PDLIM4: variants seen among roughly 807,000 people sequenced by gnomAD.
PDLIM4 encodes PDZ and LIM domain 4, also known as PDZ and LIM domain protein 4.
In PDLIM4, 19 loss-of-function variants were observed where a neutral mutation model predicts 31.3. That is an observed-to-expected ratio of 0.61 (90% confidence interval 0.42 to 0.89). The LOEUF is 0.89. Among genes scored for constraint, PDLIM4 ranks in the 40% least tolerant of loss-of-function variants. The pLI, the probability that PDLIM4 is intolerant of heterozygous loss-of-function variation, is 0.00. For missense variants in PDLIM4, 442 were observed against 461.1 expected (o/e 0.96, Z 0.38); for synonymous variants, 176 against 190.1 (o/e 0.93, Z 0.61).
chr5:132,272,296 C>T lies in PDLIM4; in HGVS notation c.*67C>T, dbSNP rs1248484014. 7 of 1,314,892 alleles carry T rather than the reference C, an allele frequency of 5.3e-6. No homozygotes were observed. The South Asian group carries it at 6.1e-5, about 11-fold the overall frequency. The allele number at this position is 1,314,892 out of a possible 1,614,324, so 81.5% of individuals were successfully genotyped here. A position where few individuals can be genotyped will look rare whatever the true frequency, so the allele number is the denominator to read the frequency against. ...TCGGCCGGTGTAAATATGTTTCACC[C>T]TGTCCCTCTAATAAAGCTCCTCTGC... On this transcript the variant is annotated 3_prime_UTR_variant, in exon 7 of 7. Coordinates refer to ENST00000253754, the MANE Select transcript of PDLIM4 (RefSeq NM_003687.4).
chr5:132,271,242 A>C, intron 4 of PDLIM4, 61 bp from the exon 5 acceptor site: 1 of 1,538,244 alleles, frequency 6.5e-7, no homozygotes, highest in Non-Finnish European at 8.8e-7. Flanking sequence ...CCAGACCCCA[A>C]GTCCACAGGG....
At position 132,271,887 on chromosome 5, in the gene PDLIM4, C is replaced by T. The variant is rs374068089; in HGVS notation, c.767C>T (p.Thr256Met). The change falls in exon 6 of 7, where the codon ACG becomes ATG. Residue 256 changes from threonine (T) to methionine (M), a missense_variant. Coordinates refer to ENST00000253754, the MANE Select transcript of PDLIM4 (RefSeq NM_003687.4). ...LSGLQGLPEC[T>M]RCGHGIVGTI... The stretch of plus-strand genomic sequence containing the variant: ...GGCCTGCAGGGGCTGCCCGAGTGCA[C>T]GCGCTGCGGCCACGGCATCGTGTGA... 1.5e-4 allele frequency: 239 copies of T among 1,607,874 alleles called. No individual in the cohort carries two copies. The highest frequency in any genetic ancestry group is 2.0e-4 in the Non-Finnish European group (231 of 1,176,508).
In PDLIM4 at chr5:132,257,759, G is replaced by A. The variant is rs761240899; in HGVS notation, c.25G>A (p.Gly9Arg). 2.0e-6 allele frequency: 3 copies of A among 1,498,476 alleles called. No homozygotes were observed. Among genetic ancestry groups the A allele is most frequent in the Non-Finnish European group, 2.7e-6 (3 of 1,129,036 alleles). The allele number at this position is 1,498,476 out of a possible 1,614,324, so 92.8% of individuals were successfully genotyped here. A position where few individuals can be genotyped will look rare whatever the true frequency, so the allele number is the denominator to read the frequency against. The change falls in exon 1 of 7, where the codon GGG becomes AGG. Residue 9 changes from glycine (G) to arginine (R), a missense_variant. Physicochemically the swap from Gly to Arg is moderately radical, Grantham distance 125. Transcript: ENST00000253754. This position sits in a 1 kb window ranked among gnomAD's most constrained non-coding sequence, Gnocchi z 4.3. MPHSVTLRGPSPWGFRLVG... is the reference protein window; with the variant it reads MPHSVTLRRPSPWGFRLVG... ...GATGCCCCATTCCGTGACCCTGCGC[G>A]GGCCTTCGCCCTGGGGCTTCCGCCT... is the stretch of plus-strand genomic sequence containing the variant.
intron 1 of PDLIM4, among the ~76,000 whole-genome samples, chr5:132,261,941 G>A (rs1427962724): frequency 6.6e-6 from 1 of 152,216 alleles, no homozygotes; most frequent in East Asian, 1.9e-4. Flanking sequence ...TGGGTAGTGA[G>A]ATCCCAGAGA....
rs754919417 is a variant in PDLIM4, at chr5:132,272,164, G to C, written c.928G>C (p.Val310Leu). 49 of 1,614,226 alleles carry C rather than the reference G, an allele frequency of 3.0e-5. No individual in the cohort carries two copies. Among genetic ancestry groups the C allele is most frequent in the South Asian group, 3.0e-4 (27 of 91,090 alleles). Residue 310 changes from valine to leucine, a missense_variant, in exon 7 of 7, where the codon GTG becomes CTG. Transcript: ENST00000253754. ...LYCESHAKAR[V>L]KPPEGYDVVA... The stretch of plus-strand genomic sequence containing the variant: ...CTGTGAGAGCCACGCCAAGGCGCGC[G>C]TGAAGCCGCCCGAGGGCTACGACGT...
rs1356739590 is a variant in PDLIM4 at position 132,257,762 on chromosome 5, C to T, written c.28C>T (p.Pro10Ser). The T allele has an allele frequency of 1.3e-6, 2 of 1,501,070 alleles. No individual in the cohort carries two copies. Among genetic ancestry groups the T allele is most frequent in the Non-Finnish European group, 8.8e-7 (1 of 1,130,216 alleles). 93.0% of individuals were successfully genotyped at this position (1,501,070 alleles called of 1,614,324 possible). ...GCCCCATTCCGTGACCCTGCGCGGG[C>T]CTTCGCCCTGGGGCTTCCGCCTGGT... MPHSVTLRG[P>S]SPWGFRLVGG... Residue 10 changes from proline to serine, a missense_variant, in exon 1 of 7, where the codon CCT (proline) becomes TCT (serine). By Grantham distance (74) the Pro-to-Ser change is moderately conservative (BLOSUM62 -1). Transcript: ENST00000253754. This position sits in a 1 kb window ranked among gnomAD's most constrained non-coding sequence, Gnocchi z 4.3.
At chr5:132,267,675 A>C (rs1271884420) in intron 3 of PDLIM4, among the ~76,000 whole-genome samples, 1 of 152,186 alleles carries the variant, frequency 6.6e-6, no homozygotes, top group Non-Finnish European at 1.5e-5. Flanking sequence ...GAGGTCTTGC[A>C]CCACAAGTTC....
At chr5:132,265,366 G>A (rs973307745) in intron 2 of PDLIM4, among the ~76,000 whole-genome samples, 5 of 152,216 alleles carry the variant, frequency 3.3e-5, no homozygotes, top group African/African-American at 1.2e-4. Context: ...GGAGTTCTGA[G>A]TAGATAGAGG....
Position 132,272,103 on chromosome 5 carries a change from G to C in PDLIM4, c.867G>C (p.Lys289Asn). The C allele has an allele frequency of 6.2e-7, 1 of 1,614,250 alleles. No individual in the cohort carries two copies. Among genetic ancestry groups the C allele is most frequent in the East Asian group, 2.2e-5 (1 of 44,888 alleles). Residue 289 changes from lysine to asparagine, a missense_variant, in exon 7 of 7, where the codon AAG (lysine) becomes AAC (asparagine). By Grantham distance (94) the Lys-to-Asn change is moderately conservative. Coordinates refer to ENST00000253754, the MANE Select transcript of PDLIM4 (RefSeq NM_003687.4). Reference sequence around the variant, plus strand: ...GCAGTGACTGCGGCCTGAACCTCAAGCAGCGTGGTTACTTCTTTCTGGACG... The same window carrying C: ...GCAGTGACTGCGGCCTGAACCTCAACCAGCGTGGTTACTTCTTTCTGGACG... ...FMCSDCGLNL[K>N]QRGYFFLDER... is the part of the protein sequence containing the mutation.
rs1216656703 is a variant in PDLIM4, at chr5:132,257,772, G to T, written c.38G>T (p.Trp13Leu). Residue 13 changes from tryptophan (W) to leucine (L), a missense_variant, in exon 1 of 7, where the codon TGG becomes TTG. Coordinates refer to ENST00000253754, the MANE Select transcript of PDLIM4 (RefSeq NM_003687.4). The surrounding 1 kb of genome is among the most constrained non-coding windows in gnomAD (Gnocchi z 4.3). The part of the protein sequence containing the change: ...HSVTLRGPSP[W>L]GFRLVGGRDF... The stretch of plus-strand genomic sequence containing the variant: ...GTGACCCTGCGCGGGCCTTCGCCCT[G>T]GGGCTTCCGCCTGGTGGGCGGCCGG... The T allele has an allele frequency of 6.6e-7, 1 of 1,505,590 alleles. No homozygotes were observed. The highest frequency in any genetic ancestry group is 1.4e-5 in the African/African-American group (1 of 69,860). 93.3% of individuals were successfully genotyped at this position (1,505,590 alleles called of 1,614,324 possible). A position where few individuals can be genotyped will look rare whatever the true frequency, so the allele number is the denominator to read the frequency against.
Position 132,273,090 on chromosome 5 carries a change from A to T in PDLIM4, c.*861A>T, listed in dbSNP as rs1287685039. On this transcript the variant is annotated 3_prime_UTR_variant, in exon 7 of 7. Transcript: ENST00000253754. ...CCCTCTCCTCAGAGTCCCGGCGTTT[A>T]CCTCGTGGTGTGTTTGCCTTGGGCC... 1 of 152,044 alleles carries T rather than the reference A, an allele frequency of 6.6e-6. No individual in the cohort carries two copies. The highest frequency in any genetic ancestry group is 2.4e-5 in the African/African-American group (1 of 41,302). The allele number at this position is 152,044 out of a possible 1,614,324, so 9.4% of individuals were successfully genotyped here.
intron 2 of PDLIM4, among the ~76,000 whole-genome samples, chr5:132,264,929 A>G (rs1210096605): frequency 6.6e-6 from 1 of 151,914 alleles, no homozygotes; most frequent in Non-Finnish European, 1.5e-5. Context: ...CCCCCACAGA[A>G]TGAAAAGTGT....
chr5:132,272,581 G>C lies in PDLIM4; in HGVS notation c.*352G>C. ...CGCGACGACAGGAGGTATGACCTGGGTGGGGTCAGGGAAAGTCTTAGCTGA... is the reference window on the plus strand; with the variant it reads ...CGCGACGACAGGAGGTATGACCTGGCTGGGGTCAGGGAAAGTCTTAGCTGA... On this transcript the variant is annotated 3_prime_UTR_variant, in exon 7 of 7. Transcript: ENST00000253754. 1 of 353,650 alleles carries C rather than the reference G, an allele frequency of 2.8e-6. No homozygotes were observed. The highest frequency in any genetic ancestry group is 5.5e-6 in the Non-Finnish European group (1 of 183,022). 21.9% of individuals were successfully genotyped at this position (353,650 alleles called of 1,614,324 possible).
intron 1 of PDLIM4, among the ~76,000 whole-genome samples, chr5:132,262,198 G>T: frequency 6.6e-6 from 1 of 152,220 alleles, no homozygotes; most frequent in East Asian, 1.9e-4. Context: ...AGGTCAAGGT[G>T]TGTAGTCTGT....
At chr5:132,268,214 C>A (rs1446125853) in intron 3 of PDLIM4, among the ~76,000 whole-genome samples, 1 of 152,218 alleles carries the variant, frequency 6.6e-6, no homozygotes, top group Non-Finnish European at 1.5e-5. Context: ...AGCTGCTGCC[C>A]CACTTTTGTA....
chr5:132,267,885 A>C (rs1756525195), intron 3 of PDLIM4, among the ~76,000 whole-genome samples: 1 of 152,136 alleles, frequency 6.6e-6, no homozygotes, highest in Non-Finnish European at 1.5e-5. Context: ...CCCAGACCTT[A>C]GGGGTAGGGG....
At position 132,272,495 on chromosome 5, in the gene PDLIM4, C is replaced by A; in HGVS notation, c.*266C>A. 2 of 534,738 alleles carry A rather than the reference C, an allele frequency of 3.7e-6. No homozygotes were observed. The highest frequency in any genetic ancestry group is 4.1e-5 in the South Asian group (2 of 49,080). 33.1% of individuals were successfully genotyped at this position (534,738 alleles called of 1,614,324 possible). On this transcript the variant is annotated 3_prime_UTR_variant, in exon 7 of 7. Transcript: ENST00000253754. Reference sequence around the variant, plus strand: ...GGCCACAGCCTGGGTGGAAGGCAGACCTGAATCACAACGGGCCAGCTCTAG... The same window carrying A: ...GGCCACAGCCTGGGTGGAAGGCAGAACTGAATCACAACGGGCCAGCTCTAG...
Sources: gnomAD v4.1 joint callset for allele counts (sites outside exome capture counted in the v4.1 genomes callset) on GRCh38, gnomAD v4.1.1 for gene constraint, Gnocchi (gnomAD v3.1) non-coding constraint, MANE v1.5 for transcripts, NCBI Gene and HGNC (gene_info 2026-07-23, HGNC 2026-07-21) for gene names.